NRG1: variants seen among roughly 807,000 people sequenced by gnomAD.
The protein encoded by NRG1 is pro-neuregulin-1, membrane-bound isoform.
Under a neutral mutation model 63.8 loss-of-function variants are expected in NRG1, and 18 were observed. The observed-to-expected ratio is 0.28, with a 90% CI of 0.19 to 0.42. The LOEUF (loss-of-function observed/expected upper bound fraction) is 0.42. Among genes scored for constraint, NRG1 ranks in the 10% least tolerant of loss-of-function variants. The pLI, the probability that NRG1 is intolerant of heterozygous loss-of-function variation, is 1.00. For missense variants in NRG1, 762 were observed against 814.7 expected (o/e 0.94, Z 0.79); for synonymous variants, 302 against 301.3 (o/e 1.00, Z -0.02).
intron 6 of NRG1, among the ~76,000 whole-genome samples, chr8:32,737,243 G>C (rs2129031560): frequency 6.6e-6 from 1 of 152,214 alleles, no homozygotes; most frequent in East Asian, 1.9e-4. Flanking sequence ...GAAGGATACT[G>C]GGAATTTCTG....
intron 1 of NRG1, among the ~76,000 whole-genome samples, chr8:32,413,231 C>A (rs187092228): frequency 6.6e-6 from 1 of 152,190 alleles, no homozygotes; most frequent in South Asian, 2.1e-4. Context: ...CAATAATAGG[C>A]GATTGGTTAA....
chr8:31,712,724 T>A (rs922936901), intron 1 of NRG1, among the ~76,000 whole-genome samples: 1 of 152,166 alleles, frequency 6.6e-6, no homozygotes, highest in African/African-American at 2.4e-5. Context: ...TAACCGCATA[T>A]CAGTGTTGTT....
At chr8:32,020,671 C>T (rs1340484417) in intron 1 of NRG1, among the ~76,000 whole-genome samples, 1 of 152,146 alleles carries the variant, frequency 6.6e-6, no homozygotes, top group Non-Finnish European at 1.5e-5. Context: ...TTTCTTTGGC[C>T]TCTACATGAT....
At chr8:32,213,244 A>C (rs1844867559) in intron 1 of NRG1, among the ~76,000 whole-genome samples, 1 of 152,230 alleles carries the variant, frequency 6.6e-6, no homozygotes, top group Admixed American at 6.5e-5. Context: ...TGGATAAAGA[A>C]AATGTGGTAC....
At chr8:31,775,658 C>G (rs982380656) in intron 1 of NRG1, among the ~76,000 whole-genome samples, 1 of 151,724 alleles carries the variant, frequency 6.6e-6, no homozygotes, top group Non-Finnish European at 1.5e-5. Flanking sequence ...CCAAGGCAGG[C>G]GGATCATGAT....
intron 1 of NRG1, among the ~76,000 whole-genome samples, chr8:32,258,464 C>T (rs531154129): frequency 6.6e-6 from 1 of 152,234 alleles, no homozygotes; most frequent in South Asian, 2.1e-4. Flanking sequence ...TGTATTAGTC[C>T]ATTTTCACAC....
intron 1 of NRG1, among the ~76,000 whole-genome samples, chr8:32,191,024 A>G (rs570329827): frequency 2.6e-5 from 4 of 152,318 alleles, no homozygotes; most frequent in South Asian, 2.1e-4. Flanking sequence ...CTGTCTTCCC[A>G]TAGATGTTCA....
At chr8:32,392,342 G>A (rs1171692438) in intron 1 of NRG1, among the ~76,000 whole-genome samples, 3 of 152,152 alleles carry the variant, frequency 2.0e-5, no homozygotes, top group Non-Finnish European at 4.4e-5. Context: ...AACTTTTAAG[G>A]ATTCTTACAT....
At chr8:32,490,259 C>T (rs764218561) in intron 1 of NRG1, among the ~76,000 whole-genome samples, 15 of 151,768 alleles carry the variant, frequency 9.9e-5, no homozygotes, top group East Asian at 9.7e-4. Context: ...GAACTGATAT[C>T]GCGCCACTGC....
At chr8:32,235,865 C>G (rs1232181253) in intron 1 of NRG1, among the ~76,000 whole-genome samples, 1 of 152,142 alleles carries the variant, frequency 6.6e-6, no homozygotes, top group Non-Finnish European at 1.5e-5. Flanking sequence ...CCTTGAATCA[C>G]TTACTGAATA....
At chr8:32,124,340 T>G (rs1184651928) in intron 1 of NRG1, among the ~76,000 whole-genome samples, 1 of 151,810 alleles carries the variant, frequency 6.6e-6, no homozygotes. Context: ...TACTTGATTC[T>G]CTCATAGAAG....
At chr8:31,729,152 G>A (rs983546264) in intron 1 of NRG1, among the ~76,000 whole-genome samples, 9 of 152,130 alleles carry the variant, frequency 5.9e-5, no homozygotes, top group Non-Finnish European at 1.3e-4. Flanking sequence ...ATATATGTTA[G>A]GTGAAGGTCA....
At chr8:32,716,849 A>G (rs906312828) in intron 5 of NRG1, among the ~76,000 whole-genome samples, 14 of 151,596 alleles carry the variant, frequency 9.2e-5, no homozygotes, top group African/African-American at 3.4e-4. Flanking sequence ...TGTGCATAGC[A>G]GCAAAGCCAG....
intron 1 of NRG1, among the ~76,000 whole-genome samples, chr8:32,594,944 C>G (rs1843103782): frequency 6.6e-6 from 1 of 152,160 alleles, no homozygotes; most frequent in Non-Finnish European, 1.5e-5. Flanking sequence ...GATGGGTTTT[C>G]TGTGTTCTTT....
intron 1 of NRG1, among the ~76,000 whole-genome samples, chr8:31,850,248 A>G (rs1487632916): frequency 6.6e-6 from 1 of 152,102 alleles, no homozygotes; most frequent in Non-Finnish European, 1.5e-5. Flanking sequence ...TTCTGCAATG[A>G]GGTGTTGTCA....
chr8:31,915,384 T>A (rs1833295857), intron 1 of NRG1, among the ~76,000 whole-genome samples: 1 of 152,136 alleles, frequency 6.6e-6, no homozygotes, highest in East Asian at 1.9e-4. Context: ...CTCTGGTACA[T>A]GCCTCTTTAC....
At chr8:32,323,055 G>A (rs989986904) in intron 1 of NRG1, among the ~76,000 whole-genome samples, 9 of 151,828 alleles carry the variant, frequency 5.9e-5, no homozygotes, top group African/African-American at 1.5e-4. Flanking sequence ...ATAACCTTCC[G>A]TGAGAGTAAG....
intron 5 of NRG1, among the ~76,000 whole-genome samples, chr8:32,641,942 T>C (rs1306624525): frequency 6.6e-6 from 1 of 152,202 alleles, no homozygotes; most frequent in Admixed American, 6.5e-5. Context: ...CAGAGAACTT[T>C]TCTATTTAGC....
exon 10 of NRG1, chr8:32,759,404 C>T (rs1193839946): frequency 1.3e-5 from 21 of 1,613,828 alleles, no homozygotes; most frequent in Non-Finnish European, 1.7e-5. Flanking sequence ...CAGCCCATCA[C>T]TCCACTACTG....
Sources: gnomAD v4.1 joint callset for allele counts (sites outside exome capture counted in the v4.1 genomes callset) on GRCh38, gnomAD v4.1.1 for gene constraint, MANE v1.5 for transcripts, NCBI Gene and HGNC (gene_info 2026-07-23, HGNC 2026-07-21) for gene names.